Variants in EPB41 observed in about 807,000 individuals in gnomAD.
EPB41 encodes protein 4.1.
A neutral mutation model predicts 108.0 loss-of-function variants in EPB41; 65 were observed. The ratio of observed to expected loss-of-function variants is 0.60; its 90% CI spans 0.49 to 0.74. EPB41 has a LOEUF of 0.74. Among genes scored for constraint, EPB41 ranks in the 30% least tolerant of loss-of-function variants. EPB41 has a pLI of 0.00. For synonymous variants in EPB41, 336 were observed against 358.9 expected (o/e 0.94, Z 0.72); for missense variants, 875 against 1,037.0 (o/e 0.84, Z 2.15).
At chr1:28,898,552 C>A (rs1280979965) in intron 1 of EPB41, among the ~76,000 whole-genome samples, 1 of 152,230 alleles carries the variant, frequency 6.6e-6, no homozygotes, top group Non-Finnish European at 1.5e-5. Flanking sequence ...ATTGGGCACC[C>A]ATAAACAGGA....
chr1:28,967,013 CTTTTTTTTTTTTT>C (rs71586876), intron 1 of EPB41, among the ~76,000 whole-genome samples: 2 of 85,368 alleles, frequency 2.3e-5, no homozygotes, highest in African/African-American at 9.4e-5. Flanking sequence ...ATATGAGAAC[CTTTTTTTTTTTTT>C]TTTTTTTTTT....
chr1:29,092,621 G>A (rs945141639), intron 16 of EPB41, among the ~76,000 whole-genome samples: 2 of 152,196 alleles, frequency 1.3e-5, no homozygotes, highest in East Asian at 3.9e-4. Context: ...TGTCATGGGG[G>A]TTTGTTTTAC....
intron 7 of EPB41, among the ~76,000 whole-genome samples, chr1:29,021,676 G>A (rs2096647571): frequency 6.6e-6 from 1 of 151,176 alleles, no homozygotes; most frequent in Non-Finnish European, 1.5e-5. Flanking sequence ...TCCGTCTCCC[G>A]GGTTCACATC....
rs386366593 is a variant in EPB41 at position 29,086,940 on chromosome 1, CTT to C, written c.2185-10846_2185-10845del. On this transcript the variant is annotated intron_variant, in intron 16 of 20. Coordinates refer to ENST00000343067, the MANE Select transcript of EPB41 (RefSeq NM_001376013.1). ...CACTCTTGTAAGCTTAACTGTGGTT[CTT>C]TTTTTTTTTTTTTTTTTTTTGAGAC... Among the ~76,000 whole-genome samples the C allele has an allele frequency of 3.2e-3, 314 of 98,514 alleles. 1 individual carries two copies. The highest frequency in any genetic ancestry group is 0.012 in the African/African-American group (298 of 25,152). The allele number at this position is 98,514 out of a possible 152,430, so 64.6% of individuals were successfully genotyped here.
chr1:29,114,538 G>A (rs1670239282), intron 19 of EPB41, among the ~76,000 whole-genome samples: 1 of 151,700 alleles, frequency 6.6e-6, no homozygotes, highest in Admixed American at 6.6e-5. Context: ...AGCTACTTGG[G>A]AGGCTGAGGC....
chr1:28,904,900 G>A (rs1305866955), intron 1 of EPB41, among the ~76,000 whole-genome samples: 1 of 151,946 alleles, frequency 6.6e-6, no homozygotes, highest in East Asian at 1.9e-4. Context: ...GCATGGTGGG[G>A]GGCGCCTGTA....
rs1472632850 is a variant in EPB41, at chr1:28,901,225, G to A, written c.-8+14015G>A. Among the ~76,000 whole-genome samples the A allele has an allele frequency of 1.3e-4, 16 of 121,552 alleles. 1 individual carries two copies. The highest frequency in any genetic ancestry group is 8.4e-4 in the South Asian group (3 of 3,586). The allele number at this position is 121,552 out of a possible 152,430, so 79.7% of individuals were successfully genotyped here. A position where few individuals can be genotyped will look rare whatever the true frequency, so the allele number is the denominator to read the frequency against. On this transcript the variant is annotated intron_variant, in intron 1 of 16. Transcript: ENST00000347529. ...ATTACAGGCGTGAGCCACTGCACCC[G>A]GCTATTTATTTACTTTTTGAGACAG...
At chr1:29,013,839 T>TTG (rs1334340640) in intron 5 of EPB41, among the ~76,000 whole-genome samples, 1 of 144,632 alleles carries the variant, frequency 6.9e-6, no homozygotes, top group East Asian at 2.0e-4. Context: ...CTTAAGTTTT[T>TTG]TTTTTTTTTT....
chr1:29,005,502 G>C (rs2096384618), intron 4 of EPB41, among the ~76,000 whole-genome samples: 1 of 152,174 alleles, frequency 6.6e-6, no homozygotes, highest in Admixed American at 6.5e-5. Context: ...TACTTCAGTA[G>C]CGTCATTCAT....
chr1:28,919,208 A>T (rs994050490), intron 1 of EPB41, among the ~76,000 whole-genome samples: 1 of 152,184 alleles, frequency 6.6e-6, no homozygotes, highest in Non-Finnish European at 1.5e-5. Flanking sequence ...TATTTTGCTG[A>T]TTTTTTATTT....
At chr1:29,089,946 T>C (rs1443250378) in intron 16 of EPB41, among the ~76,000 whole-genome samples, 1 of 152,118 alleles carries the variant, frequency 6.6e-6, no homozygotes, top group African/African-American at 2.4e-5. Flanking sequence ...AGGGCATTTG[T>C]GGTAATCTGG....
intron 7 of EPB41, among the ~76,000 whole-genome samples, chr1:29,027,288 C>T (rs938553396): frequency 2.0e-5 from 3 of 151,898 alleles, no homozygotes; most frequent in African/African-American, 7.3e-5. Flanking sequence ...GTCACTGCAC[C>T]CAGCTAAAAT....
At chr1:29,090,447 A>G (rs1660775944) in intron 16 of EPB41, among the ~76,000 whole-genome samples, 1 of 152,152 alleles carries the variant, frequency 6.6e-6, no homozygotes, top group Non-Finnish European at 1.5e-5. Context: ...GCCTTCTACT[A>G]ATATGATAGA....
intron 7 of EPB41, among the ~76,000 whole-genome samples, chr1:29,023,420 G>C (rs2096672149): frequency 6.6e-6 from 1 of 151,890 alleles, no homozygotes; most frequent in African/African-American, 2.4e-5. Flanking sequence ...GGGCACAGTG[G>C]CTCATGCCTG....
chr1:28,910,939 T>C, upstream of EPB41: 1 of 981,794 alleles, frequency 1.0e-6, no homozygotes, highest in Non-Finnish European at 1.2e-6. Context: ...ATAGCACAGC[T>C]GCCACCCAGA....
At chr1:28,896,287 G>C (rs1334823188) in intron 1 of EPB41, among the ~76,000 whole-genome samples, 1 of 152,134 alleles carries the variant, frequency 6.6e-6, no homozygotes, top group East Asian at 1.9e-4. Flanking sequence ...GTTCCTCTTG[G>C]GACAAAAGAG....
intron 1 of EPB41, among the ~76,000 whole-genome samples, chr1:28,921,504 C>T (rs1486822616): frequency 6.6e-6 from 1 of 152,002 alleles, no homozygotes; most frequent in African/African-American, 2.4e-5. Flanking sequence ...TTTTACCTGC[C>T]TACCATTTCA....
rs80089170 is a variant in EPB41, at chr1:28,970,114, A to G, written c.-7-17317A>G. Among the ~76,000 whole-genome samples the G allele has an allele frequency of 6.4e-3, 974 of 152,326 alleles. 5 individuals carry two copies. Among genetic ancestry groups the G allele is most frequent in the African/African-American group, 0.022 (909 of 41,580 alleles). On this transcript the variant is annotated intron_variant, in intron 1 of 20. Transcript: ENST00000343067. ...AATAGCGGATTATTTGAAATATTCA[A>G]ACTGGTACTAAATCTTGTCTCTGTG...
chr1:29,108,154 T>C (rs1242284304), intron 17 of EPB41, among the ~76,000 whole-genome samples: 1 of 150,990 alleles, frequency 6.6e-6, no homozygotes, highest in Non-Finnish European at 1.5e-5. Flanking sequence ...ATTTCTTTTT[T>C]TTTTTTTTTT....
Sources: gnomAD v4.1 joint callset for allele counts (sites outside exome capture counted in the v4.1 genomes callset) on GRCh38, gnomAD v4.1.1 for gene constraint, MANE v1.5 for transcripts, NCBI Gene and HGNC (gene_info 2026-07-23, HGNC 2026-07-21) for gene names.